KLF7: variants seen among roughly 807,000 people sequenced by gnomAD.
KLF7 encodes the protein KLF transcription factor 7.
KLF7 carries 2 observed loss-of-function variants against 27.3 expected under a neutral mutation model. The ratio of observed to expected loss-of-function variants is 0.07; its 90% confidence interval spans 0.03 to 0.23. The LOEUF is 0.23. Ranked by LOEUF, KLF7 falls within the 10% of genes least tolerant of loss-of-function variation. The pLI is 1.00. For missense variants in KLF7, 221 were observed against 394.1 expected (o/e 0.56, Z 3.72); for synonymous variants, 165 against 162.4 (o/e 1.02, Z -0.12).
At chr2:207,110,697 T>C (rs1559128948) in intron 2 of KLF7, among the ~76,000 whole-genome samples, 1 of 152,220 alleles carries the variant, frequency 6.6e-6, no homozygotes, top group Non-Finnish European at 1.5e-5. Flanking sequence ...GGTAGGGAGA[T>C]TTCTTTCTTA....
chr2:207,113,512 A>C (rs763731037), intron 2 of KLF7, among the ~76,000 whole-genome samples: 2 of 151,378 alleles, frequency 1.3e-5, no homozygotes, highest in Admixed American at 6.6e-5. Flanking sequence ...TCCCTCTGGA[A>C]AACAGCAGAG....
intron 1 of KLF7, among the ~76,000 whole-genome samples, chr2:207,137,833 C>T (rs892592297): frequency 1.3e-5 from 2 of 152,140 alleles, no homozygotes; most frequent in African/African-American, 2.4e-5. Context: ...AGGAATCTTT[C>T]CCATCCTGGC....
At chr2:207,116,822 C>A (rs2077200256) in intron 2 of KLF7, among the ~76,000 whole-genome samples, 2 of 152,166 alleles carry the variant, frequency 1.3e-5, no homozygotes, top group Admixed American at 1.3e-4. Context: ...ATTACTTTCA[C>A]TGCCTTTTCT....
At chr2:207,130,799 T>G (rs1253925547) in intron 1 of KLF7, among the ~76,000 whole-genome samples, 3 of 152,238 alleles carry the variant, frequency 2.0e-5, no homozygotes, top group African/African-American at 7.2e-5. Context: ...TATGCCACTT[T>G]GGGTAATTAT....
rs924601001 is a variant in KLF7 at position 207,077,370 on chromosome 2, A to G, written c.*3843T>C. 2.0e-5 allele frequency: 3 copies of G among 152,128 alleles called. No homozygotes were observed. Among genetic ancestry groups the G allele is most frequent in the South Asian group, 4.1e-4 (2 of 4,830 alleles). 9.4% of individuals were successfully genotyped at this position (152,128 alleles called of 1,614,324 possible). A position where few individuals can be genotyped will look rare whatever the true frequency, so the allele number is the denominator to read the frequency against. On this transcript the variant is annotated 3_prime_UTR_variant, in exon 4 of 4. Transcript: ENST00000309446. ...AAAATCTTCTCTGAAGCCAGAGAAG[A>G]TTTTTTAAAACTAGGATTCAGTTCT...
chr2:207,149,660 T>C (rs944537008), intron 1 of KLF7, among the ~76,000 whole-genome samples: 1 of 152,204 alleles, frequency 6.6e-6, no homozygotes, highest in African/African-American at 2.4e-5. Flanking sequence ...CCAATCCTTG[T>C]CAGTATGGCA....
chr2:207,121,422 T>C (rs1229355328), intron 2 of KLF7: 1 of 152,240 alleles, frequency 6.6e-6, no homozygotes, highest in Non-Finnish European at 1.5e-5. Context: ...GTATTTGTTT[T>C]ATCTTTTTTA....
At chr2:207,106,395 C>T (rs796501752) in intron 2 of KLF7, among the ~76,000 whole-genome samples, 3 of 152,246 alleles carry the variant, frequency 2.0e-5, no homozygotes, top group African/African-American at 7.2e-5. Flanking sequence ...CTTATTGCAG[C>T]AGAGATGGAG....
At chr2:207,101,048 C>A (rs1335974899) in intron 2 of KLF7, among the ~76,000 whole-genome samples, 1 of 152,218 alleles carries the variant, frequency 6.6e-6, no homozygotes, top group East Asian at 1.9e-4. Flanking sequence ...TTTGTTACCA[C>A]CTTACCTTCC....
In KLF7 at chr2:207,077,967, A is replaced by G. The variant is rs2076206516; in HGVS notation, c.*3246T>C. The G allele has an allele frequency of 6.6e-6, 1 of 152,220 alleles. No homozygotes were observed. Among genetic ancestry groups the G allele is most frequent in the Middle Eastern group, 3.2e-3 (1 of 316 alleles). 9.4% of individuals were successfully genotyped at this position (152,220 alleles called of 1,614,324 possible). A position where few individuals can be genotyped will look rare whatever the true frequency, so the allele number is the denominator to read the frequency against. On this transcript the variant is annotated 3_prime_UTR_variant, in exon 4 of 4. Transcript: ENST00000309446. ...AACAACTGAAATGAGAAAGGGGTTT[A>G]ATGTGTTTCAAATGTCCATTAATGC...
chr2:207,110,267 G>T (rs1223590691), intron 2 of KLF7, among the ~76,000 whole-genome samples: 1 of 152,224 alleles, frequency 6.6e-6, no homozygotes, highest in Non-Finnish European at 1.5e-5. Flanking sequence ...GTGCGAACCA[G>T]AACAGTGAAT....
chr2:207,162,339 C>G (rs1366704274), intron 1 of KLF7, among the ~76,000 whole-genome samples: 2 of 152,190 alleles, frequency 1.3e-5, no homozygotes, highest in Admixed American at 6.5e-5. Context: ...TTTCAAAGCG[C>G]TTAAGGCTGG....
intron 2 of KLF7, among the ~76,000 whole-genome samples, chr2:207,109,714 G>A (rs1203135183): frequency 3.3e-5 from 5 of 152,172 alleles, no homozygotes; most frequent in Admixed American, 6.5e-5. Flanking sequence ...GAACGCCTCA[G>A]CTTACCCTTT....
chr2:207,117,819 G>T (rs567448827), intron 2 of KLF7, among the ~76,000 whole-genome samples: 1 of 152,270 alleles, frequency 6.6e-6, no homozygotes, highest in East Asian at 1.9e-4. Context: ...GGAGAGAAGC[G>T]ACTTGTTATC....
chr2:207,097,827 C>A (rs978097832), intron 2 of KLF7, among the ~76,000 whole-genome samples: 4 of 152,098 alleles, frequency 2.6e-5, no homozygotes, highest in African/African-American at 9.6e-5. Flanking sequence ...TTCTCATAAC[C>A]CAAGGAATGC....
chr2:207,172,851 A>G, the KLF7 span, among the ~76,000 whole-genome samples: 4 of 152,190 alleles, frequency 2.6e-5, no homozygotes, highest in African/African-American at 9.7e-5. Context: ...TTGCAATTTT[A>G]CTTTGCAGTA....
chr2:207,173,448 C>G, the KLF7 span, among the ~76,000 whole-genome samples: 1 of 151,172 alleles, frequency 6.6e-6, no homozygotes, highest in East Asian at 2.0e-4. Context: ...GGTCTGACTT[C>G]CTAGGTTTGT....
intron 2 of KLF7, among the ~76,000 whole-genome samples, chr2:207,119,775 C>T (rs758128196): frequency 2.0e-5 from 3 of 152,160 alleles, no homozygotes; most frequent in African/African-American, 4.8e-5. Flanking sequence ...GCAATCTCGG[C>T]GCACTGCAAC....
At chr2:207,097,443 A>G (rs1486724069) in intron 2 of KLF7, among the ~76,000 whole-genome samples, 1 of 152,190 alleles carries the variant, frequency 6.6e-6, no homozygotes, top group African/African-American at 2.4e-5. Flanking sequence ...ACAGGAAGCC[A>G]GAGAGAGATG....
Sources: allele counts gnomAD v4.1 joint callset (sites outside exome capture counted in the v4.1 genomes callset), GRCh38; gene constraint gnomAD v4.1.1; transcripts MANE v1.5; gene names NCBI Gene and HGNC (gene_info 2026-07-23, HGNC 2026-07-21).